The following DPH1 variants were observed in gnomAD, a reference collection of about 807,000 sequenced individuals.
DPH1 encodes diphthamide biosynthesis 1.
A neutral mutation model predicts 55.3 loss-of-function variants in DPH1; 59 were observed. That is an observed-to-expected ratio of 1.07 (90% confidence interval 0.87 to 1.33). The LOEUF is 1.33. Ranked by LOEUF, DPH1 falls within the 40% of genes most tolerant of loss-of-function variation. The pLI is 0.00. For synonymous variants in DPH1, 238 were observed against 235.5 expected, an observed-to-expected ratio of 1.01 and a Z score of -0.10; for missense variants, 628 against 584.8, an observed-to-expected ratio of 1.07 and a Z score of -0.76.
intron 8 of DPH1, 38 bp from the exon 9 acceptor site, chr17:2,040,467 G>T: frequency 6.2e-7 from 1 of 1,613,950 alleles, no homozygotes; most frequent in South Asian, 1.1e-5. Flanking sequence ...TTGGCTGCTT[G>T]ACCAGGTGAC....
chr17:2,035,901 C>T (rs557418334), intron 3 of DPH1, 69 bp from the exon 4 acceptor site: 1 of 1,595,892 alleles, frequency 6.3e-7, no homozygotes, highest in East Asian at 2.2e-5. Context: ...GACACCCTCC[C>T]AGGGTTGGGT....
Position 2,041,085 on chromosome 17 carries a change from C to T in DPH1, c.1008-18C>T, listed in dbSNP as rs775959248. 4 of 1,589,148 alleles carry T rather than the reference C, an allele frequency of 2.5e-6. No individual in the cohort carries two copies. The African/African-American group carries it at 4.0e-5, about 16-fold the overall frequency. On this transcript the variant is annotated intron_variant, in intron 9 of 12. Transcript: ENST00000263083. ...CGAGGAGGCCCTTCCTAGGGTCTGA[C>T]CTGGCTTCCCTTCCCAGGTGGGTGC...
rs2067334827 is a variant in DPH1, at chr17:2,031,690, A to G, written c.61+1460A>G. ...CAGGACGTCGAGGCCGCAGTGGACCATGATTGCACCCCTGCACTCCAGCCT... is the reference window on the plus strand; with the variant it reads ...CAGGACGTCGAGGCCGCAGTGGACCGTGATTGCACCCCTGCACTCCAGCCT... On this transcript the variant is annotated intron_variant, in intron 1 of 12. Transcript: ENST00000263083. 3.3e-5 allele frequency among the ~76,000 whole-genome samples: 5 copies of G among 151,824 alleles called. No homozygotes were observed. In the South Asian group the frequency reaches 1.0e-3, roughly 32 times the overall value.
At chr17:2,039,439 G>A (rs1188789852) in intron 6 of DPH1, 17 of 228,120 alleles carry the variant, frequency 7.5e-5, no homozygotes, top group African/African-American at 3.0e-4. Context: ...GTGCAGTGGC[G>A]CGATCTCAGC....
At position 2,042,894 on chromosome 17, in the gene DPH1, C is replaced by G. The variant is rs761067744; in HGVS notation, c.*308C>G. The G allele has an allele frequency of 1.5e-5, 24 of 1,614,072 alleles. No individual in the cohort carries two copies. Among genetic ancestry groups the G allele is most frequent in the Non-Finnish European group, 1.9e-5 (22 of 1,180,048 alleles). Reference sequence around the variant, plus strand: ...GTTTCTGTCCCCGGGGCATTGGGTTCAAGGAATCCATCCTGCAAAGGCCCT... The same window carrying G: ...GTTTCTGTCCCCGGGGCATTGGGTTGAAGGAATCCATCCTGCAAAGGCCCT... On this transcript the variant is annotated 3_prime_UTR_variant, in exon 13 of 13. Transcript: ENST00000263083.
At position 2,036,497 on chromosome 17, in the gene DPH1, C is replaced by T. The variant is rs1332392668; in HGVS notation, c.401-32C>T. 3.0e-5 allele frequency: 48 copies of T among 1,610,206 alleles called. No individual in the cohort carries two copies. The highest frequency in any genetic ancestry group is 3.8e-5 in the Non-Finnish European group (45 of 1,177,470). On this transcript the variant is annotated intron_variant, in intron 4 of 12. Coordinates refer to ENST00000263083, the MANE Select transcript of DPH1 (RefSeq NM_001383.6). This position sits in a 1 kb window ranked among gnomAD's most constrained non-coding sequence, Gnocchi z 4.8. ...CGGGCCCTCTGCTGCTCCTGCCTTC[C>T]CAAACAGCCCCTGAACTCCTCCCTC...
intron 12 of DPH1, chr17:2,042,310 C>T: frequency 1.4e-6 from 2 of 1,393,120 alleles, no homozygotes; most frequent in Non-Finnish European, 1.9e-6. Flanking sequence ...TCAGCATCCC[C>T]CACCCTGCGT....
intron 9 of DPH1, 81 bp downstream of exon 9, chr17:2,040,686 A>G (rs2067504832): frequency 1.4e-6 from 2 of 1,478,306 alleles, no homozygotes; most frequent in Admixed American, 3.4e-5. Context: ...GCTGGAGCCA[A>G]CAGGAATTGC....
rs746359258 is a variant in DPH1, at chr17:2,033,517, G to A, written c.74G>A (p.Arg25Gln). The stretch of plus-strand genomic sequence containing the variant: ...ATATCCATTCTAGGTCGGGCCCCTC[G>A]GGGCCGCGTGGCCAATCAGATCCCC... ...RDGPGRGRAP[R>Q]GRVANQIPPE... Residue 25 changes from arginine (R) to glutamine (Q), a missense_variant, in exon 2 of 13, where the codon CGG becomes CAG. Physicochemically the swap from Arg to Gln is conservative, Grantham distance 43. Coordinates refer to ENST00000263083, the MANE Select transcript of DPH1 (RefSeq NM_001383.6). The A allele has an allele frequency of 1.8e-5, 29 of 1,613,924 alleles. 1 individual carries two copies. The highest frequency in any genetic ancestry group is 9.9e-5 in the South Asian group (9 of 91,090).
Position 2,042,313 on chromosome 17 carries a change from C to G in DPH1, c.*19-292C>G, listed in dbSNP as rs184703093. Reference sequence around the variant, plus strand: ...CCTCGACACCCTTCAGCATCCCCCACCCTGCGTCCACCCGCATTCCTCCCA... The same window carrying G: ...CCTCGACACCCTTCAGCATCCCCCAGCCTGCGTCCACCCGCATTCCTCCCA... On this transcript the variant is annotated intron_variant, in intron 12 of 12. Transcript: ENST00000263083. 8.5e-5 allele frequency: 118 copies of G among 1,392,182 alleles called. 1 individual carries two copies. In the Middle Eastern group the frequency reaches 2.4e-3, roughly 29 times the overall value. 86.2% of individuals were successfully genotyped at this position (1,392,182 alleles called of 1,614,324 possible).
At chr17:2,040,405 G>A (rs780262832) in intron 8 of DPH1, 31 bp downstream of exon 8, 8 of 1,613,364 alleles carry the variant, frequency 5.0e-6, no homozygotes, top group Middle Eastern at 1.6e-4. Flanking sequence ...CTCTGGAGGA[G>A]GGAAGTGACT....
rs1436779781 is a variant in DPH1 at position 2,042,847 on chromosome 17, CGGTTTATCCTCTT to C, written c.*265_*277del. 6.2e-6 allele frequency: 10 copies of C among 1,614,036 alleles called. No individual in the cohort carries two copies. Among genetic ancestry groups the C allele is most frequent in the Non-Finnish European group, 8.5e-6 (10 of 1,180,048 alleles). On this transcript the variant is annotated 3_prime_UTR_variant, in exon 13 of 13. Transcript: ENST00000263083. ...AGGCGATCCCCGCTTCCCCTTGCCACGGTTTATCCTCTTGGTGTCTGGTTTCTGTCCCCGGGGC... is the reference window on the plus strand; with the variant it reads ...AGGCGATCCCCGCTTCCCCTTGCCACGGTGTCTGGTTTCTGTCCCCGGGGC...
At chr17:2,031,637 C>G (rs2067334001) in intron 1 of DPH1, among the ~76,000 whole-genome samples, 1 of 149,628 alleles carries the variant, frequency 6.7e-6, no homozygotes, top group Non-Finnish European at 1.5e-5. Context: ...ACTGGGGAGG[C>G]TGAGGTGGGA....
intron 1 of DPH1, among the ~76,000 whole-genome samples, chr17:2,030,782 A>G (rs1232865713): frequency 6.6e-6 from 1 of 152,196 alleles, no homozygotes; most frequent in East Asian, 1.9e-4. Context: ...AGTTCCTTAC[A>G]CGCCAGCGAC....
At chr17:2,042,088 G>A in intron 12 of DPH1, 1 of 1,567,028 alleles carries the variant, frequency 6.4e-7, no homozygotes, top group Non-Finnish European at 8.6e-7. Flanking sequence ...TGCCTGGCGG[G>A]CTTCCGGCAG....
intron 12 of DPH1, chr17:2,042,272 C>T: frequency 7.1e-7 from 1 of 1,401,802 alleles, no homozygotes; most frequent in Non-Finnish European, 9.2e-7. Context: ...CAGTTTCCTC[C>T]ATCTTGTTTC....
Position 2,036,609 on chromosome 17 carries a change from G to T in DPH1, c.481G>T (p.Asp161Tyr). 6.2e-7 allele frequency: 1 copy of T among 1,614,062 alleles called. No individual in the cohort carries two copies. Among genetic ancestry groups the T allele is most frequent in the African/African-American group, 1.3e-5 (1 of 75,006 alleles). The change falls in exon 5 of 13, where the codon GAC (aspartate) becomes TAC (tyrosine). Residue 161 changes from aspartate to tyrosine, a missense_variant. By Grantham distance (160) the Asp-to-Tyr change is radical. Coordinates refer to ENST00000263083, the MANE Select transcript of DPH1 (RefSeq NM_001383.6). This position sits in a 1 kb window ranked among gnomAD's most constrained non-coding sequence, Gnocchi z 4.8. Reference sequence around the variant, plus strand: ...CCGGATAGACACTACACACCTCCTGGACTCTCTCCGCCTCACCTTTCCCCC... The same window carrying T: ...CCGGATAGACACTACACACCTCCTGTACTCTCTCCGCCTCACCTTTCCCCC... ...DIRIDTTHLL[D>Y]SLRLTFPPAT...
Position 2,040,285 on chromosome 17 carries a change from C to T in DPH1, c.817C>T (p.Gln273Ter), listed in dbSNP as rs920180071. 1.2e-6 allele frequency: 2 copies of T among 1,613,906 alleles called. No homozygotes were observed. Among genetic ancestry groups the T allele is most frequent in the African/African-American group, 2.7e-5 (2 of 74,938 alleles). The change falls in exon 8 of 13, where the codon CAA (glutamine) becomes TAA (stop). Residue 273 changes from glutamine (Q) to a stop codon, truncating the protein, a stop_gained. Transcript: ENST00000263083. LOFTEE classifies it high-confidence loss of function. ...CCACCAGCGCATGCAGGCTGCTCGCCAAGAAGCCATAGCCACTGCCCGCTC... is the reference window on the plus strand; with the variant it reads ...CCACCAGCGCATGCAGGCTGCTCGCTAAGAAGCCATAGCCACTGCCCGCTC... ...YDHQRMQAAR[Q>*]EAIATARSAK...
chr17:2,042,512 C>CT lies in DPH1; in HGVS notation c.*19-92dup, dbSNP rs1567549944. 12 of 1,454,164 alleles carry CT rather than the reference C, an allele frequency of 8.3e-6. No individual in the cohort carries two copies. The Admixed American group carries it at 3.1e-4, about 38-fold the overall frequency. The allele number at this position is 1,454,164 out of a possible 1,614,324, so 90.1% of individuals were successfully genotyped here. A position where few individuals can be genotyped will look rare whatever the true frequency, so the allele number is the denominator to read the frequency against. On this transcript the variant is annotated intron_variant, in intron 12 of 12. Coordinates refer to ENST00000263083, the MANE Select transcript of DPH1 (RefSeq NM_001383.6). ...TTTTGCCTCGATTCCCTTTTTCTCT[C>CT]TGTCATCTCGAACCCTCCTGCCCTT... is the stretch of plus-strand genomic sequence containing the variant.
Sources: allele counts gnomAD v4.1 joint callset (sites outside exome capture counted in the v4.1 genomes callset), GRCh38; gene constraint gnomAD v4.1.1; non-coding constraint Gnocchi (gnomAD v3.1); transcripts MANE v1.5; gene names NCBI Gene and HGNC (gene_info 2026-07-23, HGNC 2026-07-21).